VIT: variants seen among roughly 807,000 people sequenced by gnomAD.
VIT encodes vitrin.
A neutral mutation model predicts 78.0 loss-of-function variants in VIT; 99 were observed. That is an observed-to-expected ratio of 1.27 (90% confidence interval 1.08 to 1.50). The LOEUF (loss-of-function observed/expected upper bound fraction) is 1.50. Among genes scored for constraint, VIT ranks in the 40% most tolerant of loss-of-function variants. The pLI is 0.00. For synonymous variants in VIT, 374 were observed against 334.3 expected (o/e 1.12, Z -1.29); for missense variants, 1,126 against 875.3 (o/e 1.29, Z -3.61).
chr2:36,773,875 A>C, intron 8 of VIT, 28 bp downstream of exon 8: 1 of 1,574,294 alleles, frequency 6.4e-7, no homozygotes, highest in Non-Finnish European at 8.6e-7. Flanking sequence ...CTTTCCAGCC[A>C]CTGATGAAAG....
At chr2:36,716,520 T>C (rs920242924) in intron 2 of VIT, 98 bp downstream of exon 2, 4 of 981,254 alleles carry the variant, frequency 4.1e-6, no homozygotes, top group African/African-American at 3.2e-5. Flanking sequence ...ACAGAGCATA[T>C]AAACAATACA....
chr2:36,725,944 A>C (rs1215147884), intron 2 of VIT, among the ~76,000 whole-genome samples: 1 of 151,972 alleles, frequency 6.6e-6, no homozygotes, highest in East Asian at 1.9e-4. Flanking sequence ...GTTGGTGTCC[A>C]CCTATAATCC....
At chr2:36,765,103 C>A (rs987506758) in intron 6 of VIT, among the ~76,000 whole-genome samples, 1 of 152,140 alleles carries the variant, frequency 6.6e-6, no homozygotes, top group Non-Finnish European at 1.5e-5. Flanking sequence ...ATGTGGGGAG[C>A]CTTTGCTAAT....
chr2:36,708,780 C>A (rs17019546), intron 1 of VIT, among the ~76,000 whole-genome samples: 5,799 of 152,260 alleles, frequency 0.038, 326 homozygotes, highest in African/African-American at 0.12. Flanking sequence ...GCCCATCCAC[C>A]CTTTTGCCAT....
chr2:36,699,059 C>T (rs1294208292), intron 1 of VIT, among the ~76,000 whole-genome samples: 2 of 151,972 alleles, frequency 1.3e-5, no homozygotes, highest in African/African-American at 4.8e-5. Flanking sequence ...TGGCCCCCAA[C>T]ATGTTCCCAT....
At chr2:36,790,366 C>T (rs1048322999) in intron 12 of VIT, among the ~76,000 whole-genome samples, 7 of 152,180 alleles carry the variant, frequency 4.6e-5, no homozygotes, top group South Asian at 4.1e-4. Flanking sequence ...CATCCTCTGC[C>T]GGGCTCTTGG....
intron 13 of VIT, among the ~76,000 whole-genome samples, chr2:36,802,162 A>T (rs1666378954): frequency 6.6e-6 from 1 of 152,218 alleles, no homozygotes; most frequent in Non-Finnish European, 1.5e-5. Context: ...TCTAGTCCTC[A>T]GTGGGGCATG....
chr2:36,740,753 C>T (rs1667787690), intron 3 of VIT, among the ~76,000 whole-genome samples: 2 of 152,124 alleles, frequency 1.3e-5, no homozygotes, highest in Non-Finnish European at 2.9e-5. Context: ...AAAACAAGTG[C>T]CCCCTTAAAG....
chr2:36,805,689 C>G (rs369968828), intron 14 of VIT, 25 bp downstream of exon 14: 132 of 1,598,246 alleles, frequency 8.3e-5, no homozygotes, highest in Middle Eastern at 3.4e-4. Flanking sequence ...GGAGACCTAC[C>G]CAACATCAGG....
intron 7 of VIT, among the ~76,000 whole-genome samples, chr2:36,769,337 G>T (rs570561330): frequency 6.6e-6 from 1 of 152,202 alleles, no homozygotes; most frequent in Non-Finnish European, 1.5e-5. Flanking sequence ...GGCTCTGCTG[G>T]TGGAAAACCT....
In VIT at chr2:36,774,088, G is replaced by A. The variant is rs146226266; in HGVS notation, c.736+241G>A. Among the ~76,000 whole-genome samples, 703 of 152,288 alleles carry A rather than the reference G, an allele frequency of 4.6e-3. 4 individuals carry two copies. The highest frequency in any genetic ancestry group is 7.2e-3 in the Non-Finnish European group (491 of 68,014). The stretch of plus-strand genomic sequence containing the variant: ...AGCGAGTCTGTAGAGGTTGTGATAG[G>A]AATGTCTCAGGATTCAGTAACCGGG... On this transcript the variant is annotated intron_variant, in intron 8 of 15. Transcript: ENST00000379242.
At chr2:36,792,009 G>A (rs1444353996) in intron 12 of VIT, among the ~76,000 whole-genome samples, 2 of 152,134 alleles carry the variant, frequency 1.3e-5, no homozygotes, top group Non-Finnish European at 2.9e-5. Context: ...GTGAATTACA[G>A]CACCCACCCT....
intron 7 of VIT, among the ~76,000 whole-genome samples, chr2:36,772,478 G>T (rs528666655): frequency 2.6e-4 from 39 of 152,096 alleles, no homozygotes; most frequent in African/African-American, 9.2e-4. Flanking sequence ...GAGGTTGTGG[G>T]GAGCCGAGAT....
intron 12 of VIT, among the ~76,000 whole-genome samples, chr2:36,792,741 C>A (rs1055687760): frequency 6.6e-6 from 1 of 152,146 alleles, no homozygotes; most frequent in African/African-American, 2.4e-5. Flanking sequence ...CTGTGCTGTC[C>A]TCCAGTGAAG....
At chr2:36,773,723 CA>C in intron 7 of VIT, 67 bp from the exon 8 acceptor site, 1 of 1,362,174 alleles carries the variant, frequency 7.3e-7, no homozygotes, top group Non-Finnish European at 9.7e-7. Flanking sequence ...GACTCCGACT[CA>C]AAAATAAATA....
intron 12 of VIT, among the ~76,000 whole-genome samples, chr2:36,790,347 G>A (rs888191998): frequency 1.3e-5 from 2 of 152,120 alleles, no homozygotes; most frequent in African/African-American, 4.8e-5. Flanking sequence ...TCTTCTCTCA[G>A]CTGACCAGCA....
At chr2:36,756,207 C>T (rs775523615) in intron 5 of VIT, among the ~76,000 whole-genome samples, 7 of 152,204 alleles carry the variant, frequency 4.6e-5, no homozygotes, top group Non-Finnish European at 8.8e-5. Context: ...ATCCGCCCAC[C>T]TCGGCCTCCC....
At chr2:36,735,901 G>A (rs1216371975) in intron 3 of VIT, among the ~76,000 whole-genome samples, 1 of 152,204 alleles carries the variant, frequency 6.6e-6, no homozygotes, top group Non-Finnish European at 1.5e-5. Context: ...AGAACCAGAG[G>A]TGGGAAAACA....
At chr2:36,717,604 G>A (rs1283413860) in intron 2 of VIT, among the ~76,000 whole-genome samples, 1 of 152,102 alleles carries the variant, frequency 6.6e-6, no homozygotes, top group Non-Finnish European at 1.5e-5. Context: ...CCCTTGAAGA[G>A]CAGTAGGTCA....
Sources: allele counts gnomAD v4.1 joint callset (sites outside exome capture counted in the v4.1 genomes callset), GRCh38; gene constraint gnomAD v4.1.1; transcripts MANE v1.5; gene names NCBI Gene and HGNC (gene_info 2026-07-23, HGNC 2026-07-21).